Variants in MGAT4C observed in about 807,000 individuals in gnomAD.
MGAT4C encodes the protein alpha-1,3-mannosyl-glycoprotein 4-beta-N-acetylglucosaminyltransferase C.
Under a neutral mutation model 40.1 loss-of-function variants are expected in MGAT4C, and 19 were observed. The ratio of observed to expected loss-of-function variants is 0.47; its 90% confidence interval spans 0.33 to 0.70. MGAT4C has a LOEUF of 0.70. Ranked by LOEUF, MGAT4C falls within the 30% of genes least tolerant of loss-of-function variation. The pLI is 0.02. For missense variants in MGAT4C, 491 were observed against 563.2 expected, an observed-to-expected ratio of 0.87 and a Z score of 1.30; for synonymous variants, 181 against 187.1, an observed-to-expected ratio of 0.97 and a Z score of 0.27.
intron 2 of MGAT4C, among the ~76,000 whole-genome samples, chr12:86,020,322 A>G (rs1278401317): frequency 6.6e-6 from 1 of 152,112 alleles, no homozygotes; most frequent in African/African-American, 2.4e-5. Flanking sequence ...GATACTGGCT[A>G]TGGGTTTGTC....
chr12:86,105,337 C>T (rs1875949411), intron 1 of MGAT4C, among the ~76,000 whole-genome samples: 2 of 152,004 alleles, frequency 1.3e-5, no homozygotes, highest in Non-Finnish European at 2.9e-5. Context: ...AACAACAAAA[C>T]CAAAAACCAC....
intron 2 of MGAT4C, among the ~76,000 whole-genome samples, chr12:86,682,893 C>A (rs1950007278): frequency 6.6e-6 from 1 of 152,162 alleles, no homozygotes; most frequent in Non-Finnish European, 1.5e-5. Flanking sequence ...ACAACACTAT[C>A]ACCATCTCCT....
chr12:86,627,535 A>AGCAATATTTGCTGTTCT (rs1269929304), intron 2 of MGAT4C, among the ~76,000 whole-genome samples: 2 of 152,192 alleles, frequency 1.3e-5, no homozygotes, highest in African/African-American at 2.4e-5. Flanking sequence ...AGGATCAGGC[A>AGCAATATTTGCTGTTCT]GCAATATTTG....
chr12:86,461,484 A>G (rs1275537899), intron 2 of MGAT4C, among the ~76,000 whole-genome samples: 1 of 152,026 alleles, frequency 6.6e-6, no homozygotes, highest in Admixed American at 6.6e-5. Flanking sequence ...TGACCTCATG[A>G]TCCACCCTCC....
chr12:86,174,124 T>TGCAC, intron 1 of MGAT4C, among the ~76,000 whole-genome samples: 1 of 143,918 alleles, frequency 6.9e-6, no homozygotes, highest in Non-Finnish European at 1.5e-5. Flanking sequence ...CACACACACA[T>TGCAC]ACACACACAC....
intron 1 of MGAT4C, among the ~76,000 whole-genome samples, chr12:86,145,692 G>A (rs1883416782): frequency 6.6e-6 from 1 of 152,038 alleles, no homozygotes; most frequent in Admixed American, 6.6e-5. Flanking sequence ...GTGCTAATTT[G>A]GTAGTCATTT....
chr12:86,208,192 G>A (rs754224913), intron 1 of MGAT4C, among the ~76,000 whole-genome samples: 9 of 152,170 alleles, frequency 5.9e-5, no homozygotes, highest in Non-Finnish European at 8.8e-5. Flanking sequence ...CAAGCTGGGC[G>A]CAGTGGCTTA....
chr12:86,085,992 A>G (rs1263563861), intron 1 of MGAT4C, among the ~76,000 whole-genome samples: 1 of 152,044 alleles, frequency 6.6e-6, no homozygotes, highest in Non-Finnish European at 1.5e-5. Flanking sequence ...CAATTCCTCA[A>G]GGATATAGAA....
At chr12:86,620,910 G>A (rs535442085) in intron 2 of MGAT4C, among the ~76,000 whole-genome samples, 62 of 151,840 alleles carry the variant, frequency 4.1e-4, no homozygotes, top group Admixed American at 6.6e-4. Flanking sequence ...CTTCCCCTTC[G>A]GCTTCTACTG....
At chr12:86,480,919 C>A (rs747026436) in intron 2 of MGAT4C, among the ~76,000 whole-genome samples, 1 of 151,648 alleles carries the variant, frequency 6.6e-6, no homozygotes, top group African/African-American at 2.4e-5. Context: ...CACATCAGGA[C>A]ATTTTCCACA....
intron 1 of MGAT4C, among the ~76,000 whole-genome samples, chr12:86,818,387 G>A (rs534813394): frequency 6.6e-6 from 1 of 151,304 alleles, no homozygotes; most frequent in Non-Finnish European, 1.5e-5. Context: ...CTTTTGCACA[G>A]ATTAAAAGAT....
intron 3 of MGAT4C, among the ~76,000 whole-genome samples, chr12:86,349,124 G>T (rs1955103409): frequency 6.6e-6 from 1 of 152,004 alleles, no homozygotes; most frequent in Non-Finnish European, 1.5e-5. Flanking sequence ...ACAGATATGT[G>T]GTAACCATGT....
intron 4 of MGAT4C, among the ~76,000 whole-genome samples, chr12:86,286,538 T>C (rs1778677580): frequency 1.3e-5 from 2 of 152,166 alleles, no homozygotes; most frequent in Admixed American, 1.3e-4. Flanking sequence ...ACCTTTAAAA[T>C]TGAATATTCA....
chr12:86,503,897 T>C (rs1958422592), intron 2 of MGAT4C, among the ~76,000 whole-genome samples: 1 of 144,598 alleles, frequency 6.9e-6, no homozygotes, highest in African/African-American at 2.5e-5. Flanking sequence ...AAATCCACAG[T>C]TGGAAAAGAC....
chr12:85,980,609 G>A (rs1884477127), intron 4 of MGAT4C, among the ~76,000 whole-genome samples, 179 bp from the exon 5 acceptor site: 1 of 152,002 alleles, frequency 6.6e-6, no homozygotes, highest in African/African-American at 2.4e-5. Context: ...AAGGCTGTAA[G>A]TGCTTAATAC....
chr12:86,184,488 T>C (rs1888503441), intron 1 of MGAT4C, among the ~76,000 whole-genome samples: 2 of 152,136 alleles, frequency 1.3e-5, no homozygotes, highest in Admixed American at 6.5e-5. Flanking sequence ...TCTTCTTTTC[T>C]CGAAATTTTA....
At chr12:86,304,805 A>ATT (rs1438750128) in intron 4 of MGAT4C, among the ~76,000 whole-genome samples, 6 of 150,670 alleles carry the variant, frequency 4.0e-5, no homozygotes, top group Admixed American at 6.6e-5. Context: ...ATGGCAATAG[A>ATT]GCCAGAGATT....
In MGAT4C at chr12:85,971,245, T is replaced by G. The variant is rs1883609199; in HGVS notation, c.*8044A>C. 1 of 151,254 alleles carries G rather than the reference T, an allele frequency of 6.6e-6. No individual in the cohort carries two copies. Among genetic ancestry groups the G allele is most frequent in the Non-Finnish European group, 1.5e-5 (1 of 67,410 alleles). The allele number at this position is 151,254 out of a possible 1,614,324, so 9.4% of individuals were successfully genotyped here. Reference sequence around the variant, plus strand: ...TATGGTAACTAATTTTAGTAGTGCATCAGATCAACACTATTGGGCACCCAG... The same window carrying G: ...TATGGTAACTAATTTTAGTAGTGCAGCAGATCAACACTATTGGGCACCCAG... On this transcript the variant is annotated 3_prime_UTR_variant, in exon 5 of 5. Coordinates refer to ENST00000611864, the MANE Select transcript of MGAT4C (RefSeq NM_001351288.2).
At position 86,120,386 on chromosome 12, in the gene MGAT4C, G is replaced by GCACCC; in HGVS notation, c.-56-70664_-56-70663insGGGTG. On this transcript the variant is annotated intron_variant, in intron 1 of 4. Coordinates refer to ENST00000611864, the MANE Select transcript of MGAT4C (RefSeq NM_001351288.2). ...CTTCCCAGTCTGACAGCTTTGAAGA[G>GCACCC]AGTAGTGGTTCTCCCAGCACGCAGC... Among the ~76,000 whole-genome samples, 4 of 152,250 alleles carry GCACCC rather than the reference G, an allele frequency of 2.6e-5. No individual in the cohort carries two copies. The Middle Eastern group carries it at 0.014, about 518-fold the overall frequency.
Sources: gnomAD v4.1 joint callset for allele counts (sites outside exome capture counted in the v4.1 genomes callset) on GRCh38, gnomAD v4.1.1 for gene constraint, MANE v1.5 for transcripts, NCBI Gene and HGNC (gene_info 2026-07-23, HGNC 2026-07-21) for gene names.